Variants in PLEKHA7 observed in about 807,000 individuals in gnomAD.
PLEKHA7 encodes the protein pleckstrin homology domain-containing family A member 7.
PLEKHA7 carries 104 observed loss-of-function variants against 170.0 expected under a neutral mutation model. The ratio of observed to expected loss-of-function variants is 0.61; its 90% CI spans 0.52 to 0.72. PLEKHA7 has a LOEUF of 0.72. PLEKHA7 is among the 30% of genes least tolerant of loss of function. The pLI is 0.00. For synonymous variants in PLEKHA7, 648 were observed against 660.8 expected (o/e 0.98, Z 0.30); for missense variants, 1,615 against 1,671.7 (o/e 0.97, Z 0.59).
chr11:16,884,691 CA>C (rs538451727), intron 3 of PLEKHA7, among the ~76,000 whole-genome samples: 1 of 150,052 alleles, frequency 6.7e-6, no homozygotes, highest in Non-Finnish European at 1.5e-5. Flanking sequence ...TGTTAGAAAA[CA>C]AAAAAAAACA....
At chr11:16,897,403 A>G (rs1278655374) in intron 3 of PLEKHA7, among the ~76,000 whole-genome samples, 2 of 151,886 alleles carry the variant, frequency 1.3e-5, no homozygotes, top group Admixed American at 6.6e-5. Flanking sequence ...CCTATACCTC[A>G]ATCATATAGT....
chr11:16,979,466 A>C (rs1353533856), intron 3 of PLEKHA7, among the ~76,000 whole-genome samples: 2 of 152,140 alleles, frequency 1.3e-5, no homozygotes. Flanking sequence ...CACCTTGCTC[A>C]AGGTCACACA....
At chr11:16,800,518 G>A (rs1848524500) in intron 17 of PLEKHA7, among the ~76,000 whole-genome samples, 1 of 152,174 alleles carries the variant, frequency 6.6e-6, no homozygotes, top group Non-Finnish European at 1.5e-5. Flanking sequence ...TGCCTCAAAG[G>A]ACAGAATTCA....
rs1210243550 is a variant in PLEKHA7 at position 16,794,618 on chromosome 11, G to A, written c.2615C>T (p.Pro872Leu). 4 of 1,613,824 alleles carry A rather than the reference G, an allele frequency of 2.5e-6. No individual in the cohort carries two copies. The South Asian group carries it at 4.4e-5, about 18-fold the overall frequency. The change falls in exon 19 of 27, where the codon CCT (proline) becomes CTT (leucine). Residue 872 changes from proline (P) to leucine (L), a missense_variant. Pro to Leu is a moderately conservative substitution (Grantham distance 98). Transcript: ENST00000531066. Reference protein sequence around the residue: ...PPPQPSPPTSPVRTPLEVRLF... With the variant: ...PPPQPSPPTSLVRTPLEVRLF... ...TCGAACCTCCAGAGGGGTCCGCACAGGGCTGGTGGGAGGACTGGGCTGTGG... is the reference window on the plus strand; with the variant it reads ...TCGAACCTCCAGAGGGGTCCGCACAAGGCTGGTGGGAGGACTGGGCTGTGG...
chr11:17,004,496 G>A (rs181780111), intron 3 of PLEKHA7, among the ~76,000 whole-genome samples: 1 of 151,490 alleles, frequency 6.6e-6, no homozygotes, highest in Admixed American at 6.6e-5. Flanking sequence ...GGGTTCAAGT[G>A]ATTCTCCTAC....
At chr11:16,986,991 C>A (rs1863766243) in intron 3 of PLEKHA7, among the ~76,000 whole-genome samples, 2 of 152,176 alleles carry the variant, frequency 1.3e-5, no homozygotes, top group South Asian at 2.1e-4. Flanking sequence ...GTCTTACTGC[C>A]CAGCCCAACC....
chr11:16,880,492 C>T (rs1362007576), intron 3 of PLEKHA7, among the ~76,000 whole-genome samples: 1 of 152,194 alleles, frequency 6.6e-6, no homozygotes, highest in African/African-American at 2.4e-5. Flanking sequence ...AACTGCACTC[C>T]AATAGAGTTG....
intron 10 of PLEKHA7, among the ~76,000 whole-genome samples, chr11:16,822,590 C>A (rs1328112752): frequency 6.6e-6 from 1 of 151,646 alleles, no homozygotes; most frequent in Admixed American, 6.6e-5. Flanking sequence ...GCTGACTGGA[C>A]TCCTTCCAGT....
chr11:16,979,463 C>T (rs1298235100), intron 3 of PLEKHA7, among the ~76,000 whole-genome samples: 1 of 152,180 alleles, frequency 6.6e-6, no homozygotes, highest in African/African-American at 2.4e-5. Flanking sequence ...GCCCACCTTG[C>T]TCAAGGTCAC....
At chr11:16,827,619 G>A (rs1202341683) in intron 9 of PLEKHA7, among the ~76,000 whole-genome samples, 2 of 152,172 alleles carry the variant, frequency 1.3e-5, no homozygotes, top group African/African-American at 4.8e-5. Flanking sequence ...CCCTCTGTAA[G>A]CTGCCCTTCT....
Position 16,789,764 on chromosome 11 carries a change from A to G in PLEKHA7, c.3156+11T>C. 1 of 1,609,318 alleles carries G rather than the reference A, an allele frequency of 6.2e-7. No individual in the cohort carries two copies. The highest frequency in any genetic ancestry group is 8.5e-7 in the Non-Finnish European group (1 of 1,175,894). ...GAGCAGGGAGGTCCTCGACAGCTCAAGGCCACTCACAGGGAAGGTCGCCTT... is the reference window on the plus strand; with the variant it reads ...GAGCAGGGAGGTCCTCGACAGCTCAGGGCCACTCACAGGGAAGGTCGCCTT... On this transcript the variant is annotated intron_variant, in intron 22 of 26. Transcript: ENST00000531066. The surrounding 1 kb of genome is among the most constrained non-coding windows in gnomAD (Gnocchi z 4.6).
intron 3 of PLEKHA7, among the ~76,000 whole-genome samples, chr11:16,886,352 T>C (rs948979609): frequency 2.0e-5 from 3 of 152,180 alleles, no homozygotes; most frequent in African/African-American, 7.2e-5. Flanking sequence ...AGAAAGCAAC[T>C]GCAAAAAGTT....
intron 10 of PLEKHA7, among the ~76,000 whole-genome samples, chr11:16,820,888 G>A (rs217751): frequency 0.16 from 23,693 of 152,114 alleles, 2,110 homozygotes; most frequent in African/African-American, 0.22. Context: ...TGGCTCTAGG[G>A]GTCAAAACAA....
intron 3 of PLEKHA7, among the ~76,000 whole-genome samples, chr11:16,945,316 T>C (rs943042016): frequency 1.3e-5 from 2 of 152,252 alleles, no homozygotes; most frequent in Non-Finnish European, 2.9e-5. Context: ...TTATTCCTCC[T>C]AATACTAATA....
chr11:16,920,166 T>C (rs1488417336), intron 3 of PLEKHA7, among the ~76,000 whole-genome samples: 2 of 152,236 alleles, frequency 1.3e-5, no homozygotes, highest in Non-Finnish European at 1.5e-5. Flanking sequence ...TGTTTGTTAT[T>C]ACTACTCTAC....
At chr11:16,921,360 A>G (rs547523729) in intron 3 of PLEKHA7, among the ~76,000 whole-genome samples, 40 of 151,540 alleles carry the variant, frequency 2.6e-4, no homozygotes, top group Non-Finnish European at 5.0e-4. Flanking sequence ...ATCCCATGCA[A>G]GTGATGCTTA....
chr11:16,996,912 G>A (rs1191658587), intron 3 of PLEKHA7, among the ~76,000 whole-genome samples: 2 of 151,998 alleles, frequency 1.3e-5, no homozygotes, highest in Admixed American at 6.5e-5. Flanking sequence ...CTCCAGCCTG[G>A]GTGACACAGC....
rs527511095 is a variant in PLEKHA7, at chr11:16,905,194, G to A, written c.222-34012C>T. ...TGGAGCCTGGGAAATCGAGGGTGCA[G>A]TAAGCCATGGTCATGCCACTGCACT... On this transcript the variant is annotated intron_variant, in intron 3 of 26. Transcript: ENST00000531066. 3.3e-5 allele frequency among the ~76,000 whole-genome samples: 5 copies of A among 152,290 alleles called. No individual in the cohort carries two copies. In the East Asian group the frequency reaches 7.7e-4, roughly 24 times the overall value.
At chr11:16,986,890 G>A (rs556988118) in intron 3 of PLEKHA7, among the ~76,000 whole-genome samples, 79 of 152,310 alleles carry the variant, frequency 5.2e-4, no homozygotes, top group Middle Eastern at 6.8e-3. Flanking sequence ...GGGGCAGGCC[G>A]AGCCCCTGCC....
Sources: gnomAD v4.1 joint callset for allele counts (sites outside exome capture counted in the v4.1 genomes callset) on GRCh38, gnomAD v4.1.1 for gene constraint, Gnocchi (gnomAD v3.1) non-coding constraint, MANE v1.5 for transcripts, NCBI Gene and HGNC (gene_info 2026-07-23, HGNC 2026-07-21) for gene names.